PTPRO: variants seen among roughly 807,000 people sequenced by gnomAD.
The protein encoded by PTPRO is receptor-type tyrosine-protein phosphatase O.
In PTPRO, 62 loss-of-function variants were observed where a neutral mutation model predicts 145.2. The observed-to-expected ratio is 0.43, with a 90% confidence interval of 0.35 to 0.53. PTPRO has a LOEUF of 0.53. Ranked by LOEUF, PTPRO falls within the 20% of genes least tolerant of loss-of-function variation. PTPRO has a pLI of 0.01. For synonymous variants in PTPRO, 565 were observed against 514.7 expected (o/e 1.10, Z -1.32); for missense variants, 1,345 against 1,482.7 (o/e 0.91, Z 1.53).
chr12:15,381,925 T>C (rs1415148608), intron 1 of PTPRO, among the ~76,000 whole-genome samples: 3 of 151,972 alleles, frequency 2.0e-5, no homozygotes, highest in Admixed American at 6.6e-5. Flanking sequence ...TTCCCCCATC[T>C]CTAAAATAGA....
intron 13 of PTPRO, 128 bp from the exon 14 acceptor site, chr12:15,548,966 A>C: frequency 3.8e-6 from 4 of 1,047,194 alleles, no homozygotes; most frequent in Non-Finnish European, 5.8e-6. Flanking sequence ...AACATTTTTC[A>C]ATGCTATTCT....
At chr12:15,500,778 T>G (rs3790007) in intron 4 of PTPRO, among the ~76,000 whole-genome samples, 1 of 152,006 alleles carries the variant, frequency 6.6e-6, no homozygotes, top group East Asian at 1.9e-4. Flanking sequence ...AAATATTAGC[T>G]GGGCATGGTG....
chr12:15,494,194 ATACT>A (rs1942056216), intron 2 of PTPRO, among the ~76,000 whole-genome samples: 1 of 152,204 alleles, frequency 6.6e-6, no homozygotes, highest in Admixed American at 6.5e-5. Flanking sequence ...ATATTTTCTA[ATACT>A]TTATTTATTT....
At chr12:15,493,301 A>T (rs1034554162) in intron 2 of PTPRO, among the ~76,000 whole-genome samples, 1 of 151,894 alleles carries the variant, frequency 6.6e-6, no homozygotes, top group African/African-American at 2.4e-5. Context: ...CTTCTAATAT[A>T]CAAACCCTAG....
intron 3 of PTPRO, among the ~76,000 whole-genome samples, chr12:15,497,630 C>G (rs1432933964): frequency 6.6e-6 from 1 of 152,178 alleles, no homozygotes; most frequent in East Asian, 1.9e-4. Flanking sequence ...ATGAGAAATA[C>G]TCTCATTATT....
chr12:15,360,629 ATG>A (rs527914394), intron 1 of PTPRO, among the ~76,000 whole-genome samples: 2,726 of 151,462 alleles, frequency 0.018, 58 homozygotes, highest in African/African-American at 0.049. Context: ...CTATATATAT[ATG>A]TGTGTGTGTA....
At chr12:15,458,433 C>A (rs1228157794) in intron 1 of PTPRO, among the ~76,000 whole-genome samples, 2 of 151,980 alleles carry the variant, frequency 1.3e-5, no homozygotes, top group African/African-American at 4.8e-5. Context: ...AGCTTTCTTT[C>A]CACTTCTGTC....
intron 1 of PTPRO, among the ~76,000 whole-genome samples, chr12:15,344,066 A>G (rs1236402314): frequency 2.0e-5 from 3 of 152,228 alleles, no homozygotes; most frequent in Non-Finnish European, 2.9e-5. Context: ...ATGTGAGTCT[A>G]CATAATCATT....
At chr12:15,474,506 C>T (rs253832) in intron 1 of PTPRO, among the ~76,000 whole-genome samples, 3,191 of 152,204 alleles carry the variant, frequency 0.021, 120 homozygotes, top group East Asian at 0.14. Flanking sequence ...TAGACCTTGT[C>T]CTGACATCAA....
chr12:15,581,604 G>C, intron 22 of PTPRO, 75 bp from the exon 23 acceptor site: 4 of 1,541,730 alleles, frequency 2.6e-6, no homozygotes, highest in Non-Finnish European at 1.8e-6. Context: ...GAATACCTTT[G>C]TTTTCCCTAA....
intron 12 of PTPRO, among the ~76,000 whole-genome samples, chr12:15,538,253 GAC>G (rs1943106641): frequency 6.9e-6 from 1 of 145,742 alleles, no homozygotes; most frequent in South Asian, 2.2e-4. Flanking sequence ...TTTTTTTTGA[GAC>G]AGAGTCTTAC....
intron 12 of PTPRO, among the ~76,000 whole-genome samples, chr12:15,534,597 G>A (rs1943029565): frequency 6.6e-6 from 1 of 152,108 alleles, no homozygotes. Context: ...CTTTCTTTGA[G>A]GAAGCCATGG....
At chr12:15,338,384 G>A (rs960345975) in intron 1 of PTPRO, among the ~76,000 whole-genome samples, 2 of 152,126 alleles carry the variant, frequency 1.3e-5, no homozygotes, top group Non-Finnish European at 2.9e-5. Context: ...AACTACAATT[G>A]CAGGGAAAGT....
At chr12:15,398,152 T>C (rs1480519900) in intron 1 of PTPRO, among the ~76,000 whole-genome samples, 2 of 152,138 alleles carry the variant, frequency 1.3e-5, no homozygotes, top group Admixed American at 6.6e-5. Context: ...CTGATTTAAG[T>C]GAATGGGAGC....
intron 12 of PTPRO, among the ~76,000 whole-genome samples, chr12:15,528,299 G>A (rs74940373): frequency 1.3e-5 from 2 of 150,818 alleles, no homozygotes; most frequent in Non-Finnish European, 3.0e-5. Flanking sequence ...GGCAGATCAC[G>A]AGGTCAGGAG....
At chr12:15,431,562 A>G (rs1479016545) in intron 1 of PTPRO, among the ~76,000 whole-genome samples, 1 of 152,206 alleles carries the variant, frequency 6.6e-6, no homozygotes, top group Non-Finnish European at 1.5e-5. Flanking sequence ...TTAAAAGAAC[A>G]TTATAATTTC....
intron 1 of PTPRO, among the ~76,000 whole-genome samples, chr12:15,460,451 C>T (rs1293686533): frequency 6.6e-6 from 1 of 152,022 alleles, no homozygotes; most frequent in East Asian, 1.9e-4. Flanking sequence ...CAAGAAAGCC[C>T]TCAATTTCTT....
chr12:15,443,765 G>A (rs899161284), intron 1 of PTPRO, among the ~76,000 whole-genome samples: 3 of 151,960 alleles, frequency 2.0e-5, no homozygotes, highest in Admixed American at 1.3e-4. Flanking sequence ...TCAGAGAAAC[G>A]CAAAACAAAA....
rs756064196 is a variant in PTPRO at position 15,524,853 on chromosome 12, A to G, written c.1931A>G (p.Asn644Ser). Residue 644 changes from asparagine to serine, a missense_variant, in exon 11 of 27, where the codon AAC becomes AGC. Asn to Ser is a conservative substitution (Grantham distance 46, BLOSUM62 1). Around this residue, in one of 3 missense-constraint regions of PTPRO, gnomAD observed 1,130 missense variants for 1,214.7 expected, o/e 0.93. Transcript: ENST00000281171. The stretch of plus-strand genomic sequence containing the variant: ...GAAATCACTTCTGTGGAATATTTCA[A>G]CAGTCTGTTATATATCAGTTGGACA... ...APEITSVEYF[N>S]SLLYISWTYG... The G allele has an allele frequency of 8.1e-6, 13 of 1,613,558 alleles. No individual in the cohort carries two copies. The highest frequency in any genetic ancestry group is 1.1e-5 in the South Asian group (1 of 91,078).
Sources: allele counts gnomAD v4.1 joint callset (sites outside exome capture counted in the v4.1 genomes callset), GRCh38; gene constraint gnomAD v4.1.1; regional missense constraint gnomAD v4.1.1; transcripts MANE v1.5; gene names NCBI Gene and HGNC (gene_info 2026-07-23, HGNC 2026-07-21).